LRBA: variants seen among roughly 807,000 people sequenced by gnomAD.
LRBA encodes the protein LPS responsive beige-like anchor protein, also known as lipopolysaccharide-responsive and beige-like anchor protein.
Under a neutral mutation model 330.0 loss-of-function variants are expected in LRBA, and 176 were observed. The observed-to-expected ratio is 0.53, with a 90% CI of 0.47 to 0.60. LRBA has a LOEUF of 0.60. Among genes scored for constraint, LRBA ranks in the 20% least tolerant of loss-of-function variants. The probability of loss-of-function intolerance (pLI) is 0.00; values close to 1 mark genes in which losing one functional copy is unlikely to be tolerated. For missense variants in LRBA, 3,259 were observed against 3,444.8 expected, an observed-to-expected ratio of 0.95 and a Z score of 1.35; for synonymous variants, 1,230 against 1,193.0, an observed-to-expected ratio of 1.03 and a Z score of -0.64.
At chr4:150,886,114 A>T (rs569847535) in intron 17 of LRBA, among the ~76,000 whole-genome samples, 7 of 152,324 alleles carry the variant, frequency 4.6e-5, no homozygotes, top group African/African-American at 1.7e-4. Flanking sequence ...AAAAAACACA[A>T]AAATCAACTT....
intron 40 of LRBA, among the ~76,000 whole-genome samples, chr4:150,540,339 T>C (rs1182600718): frequency 6.6e-6 from 1 of 152,148 alleles, no homozygotes; most frequent in Non-Finnish European, 1.5e-5. Context: ...TGGCTACAGA[T>C]GTGCGTCACC....
chr4:150,504,229 G>A (rs1000202608), intron 40 of LRBA, among the ~76,000 whole-genome samples: 2 of 152,060 alleles, frequency 1.3e-5, no homozygotes, highest in Non-Finnish European at 2.9e-5. Context: ...TCAAATTCAG[G>A]AAATACAGAG....
chr4:150,624,127 T>G (rs1447538638), intron 37 of LRBA, among the ~76,000 whole-genome samples: 1 of 152,198 alleles, frequency 6.6e-6, no homozygotes, highest in Admixed American at 6.5e-5. Context: ...ATGTCATTCA[T>G]GCAAATACTT....
chr4:151,008,792 G>A (rs1390294858), intron 2 of LRBA, among the ~76,000 whole-genome samples: 3 of 150,524 alleles, frequency 2.0e-5, no homozygotes, highest in African/African-American at 7.4e-5. Context: ...AGCCAACGTG[G>A]TGAAACGCCA....
intron 37 of LRBA, among the ~76,000 whole-genome samples, chr4:150,665,915 C>A (rs956253353): frequency 2.6e-5 from 4 of 152,116 alleles, no homozygotes; most frequent in Admixed American, 1.3e-4. Context: ...CATCAAAACA[C>A]GCAGTAGAAT....
intron 36 of LRBA, among the ~76,000 whole-genome samples, chr4:150,722,087 A>G (rs1027607635): frequency 9.9e-5 from 15 of 152,094 alleles, no homozygotes; most frequent in African/African-American, 3.6e-4. Context: ...ATGCCCTTCC[A>G]TTGCAATGCA....
At chr4:150,758,917 T>C (rs751842708) in intron 35 of LRBA, among the ~76,000 whole-genome samples, 8 of 151,846 alleles carry the variant, frequency 5.3e-5, no homozygotes, top group Non-Finnish European at 1.2e-4. Context: ...GCATCAGCCA[T>C]AGTCATTTTT....
At chr4:150,371,637 C>A (rs1740344968) in intron 47 of LRBA, among the ~76,000 whole-genome samples, 1 of 151,826 alleles carries the variant, frequency 6.6e-6, no homozygotes, top group Non-Finnish European at 1.5e-5. Context: ...CAAGTATGTC[C>A]AAAGGTACAT....
At chr4:150,684,840 C>G (rs1156319462) in intron 36 of LRBA, among the ~76,000 whole-genome samples, 1 of 152,050 alleles carries the variant, frequency 6.6e-6, no homozygotes, top group African/African-American at 2.4e-5. Flanking sequence ...ATTGTGGATG[C>G]TTGCCTCTCC....
intron 47 of LRBA, among the ~76,000 whole-genome samples, chr4:150,395,253 T>G (rs1208660689): frequency 2.0e-5 from 3 of 152,164 alleles, no homozygotes; most frequent in Non-Finnish European, 4.4e-5. Context: ...TGTCTAAAAC[T>G]GAATTTATCT....
In LRBA at chr4:150,496,700, A is replaced by G. The variant is rs1323095626; in HGVS notation, c.6331-5665T>C. On this transcript the variant is annotated intron_variant, in intron 40 of 56. Transcript: ENST00000651943. ...TATCCCTATGCCAAATATTTCCCAA[A>G]TTCTATAGTAATTTTATTTTTTCAG... 1.7e-4 allele frequency among the ~76,000 whole-genome samples: 26 copies of G among 152,128 alleles called. 1 individual carries two copies. Among genetic ancestry groups the G allele is most frequent in the Admixed American group, 1.7e-3 (26 of 15,278 alleles).
At chr4:150,883,124 T>C (rs1395796678) in intron 17 of LRBA, among the ~76,000 whole-genome samples, 2 of 152,170 alleles carry the variant, frequency 1.3e-5, no homozygotes, top group Non-Finnish European at 2.9e-5. Context: ...ATATGAAACC[T>C]TTTCTTAATT....
intron 40 of LRBA, among the ~76,000 whole-genome samples, chr4:150,552,404 C>T (rs1423442045): frequency 1.3e-5 from 2 of 152,020 alleles, no homozygotes; most frequent in Non-Finnish European, 2.9e-5. Flanking sequence ...AAATGCTCAC[C>T]ATCACTGGCC....
chr4:150,512,717 GAAAAAAAAAAAA>G (rs370203536), intron 40 of LRBA, among the ~76,000 whole-genome samples: 1 of 100,702 alleles, frequency 9.9e-6, no homozygotes, highest in African/African-American at 4.3e-5. Flanking sequence ...TGCTTTTTGA[GAAAAAAAAAAAA>G]AAAAAAAAAA....
At chr4:150,763,273 C>A (rs1392762114) in intron 34 of LRBA, among the ~76,000 whole-genome samples, 1 of 151,888 alleles carries the variant, frequency 6.6e-6, no homozygotes, top group African/African-American at 2.4e-5. Context: ...CAGAATATAT[C>A]CTTAGGCATA....
At position 150,697,325 on chromosome 4, in the gene LRBA, GAAAAA is replaced by G. The variant is rs60145657; in HGVS notation, c.5755-13613_5755-13609del. Among the ~76,000 whole-genome samples the G allele has an allele frequency of 7.9e-3, 221 of 28,048 alleles. 5 individuals are homozygous for G. Among genetic ancestry groups the G allele is most frequent in the Middle Eastern group, 0.091 (2 of 22 alleles). The allele number at this position is 28,048 out of a possible 152,430, so 18.4% of individuals were successfully genotyped here. Reference sequence around the variant, plus strand: ...GGTGACAGAGTGAGACTTTGTCTCAGAAAAAAAAAAAAAAAAAAAAAAAAAACAGG... The same window carrying G: ...GGTGACAGAGTGAGACTTTGTCTCAGAAAAAAAAAAAAAAAAAAAAACAGG... On this transcript the variant is annotated intron_variant, in intron 36 of 56. Coordinates refer to ENST00000651943, the MANE Select transcript of LRBA (RefSeq NM_001364905.1).
At chr4:150,304,134 A>C (rs1287016874) in intron 52 of LRBA, among the ~76,000 whole-genome samples, 3 of 152,172 alleles carry the variant, frequency 2.0e-5, no homozygotes, top group Non-Finnish European at 4.4e-5. Context: ...TCAAGAAAAA[A>C]AGGCTACTAA....
intron 17 of LRBA, among the ~76,000 whole-genome samples, chr4:150,878,347 G>C (rs562890244): frequency 6.6e-6 from 1 of 151,878 alleles, no homozygotes; most frequent in African/African-American, 2.4e-5. Flanking sequence ...AAAAAAAAAG[G>C]AAATTTTATA....
At chr4:150,942,781 C>A (rs1007931625) in intron 2 of LRBA, among the ~76,000 whole-genome samples, 2 of 152,196 alleles carry the variant, frequency 1.3e-5, no homozygotes, top group East Asian at 3.9e-4. Flanking sequence ...AAAAATGTGT[C>A]CATTCATAGC....
Sources: allele counts gnomAD v4.1 joint callset (sites outside exome capture counted in the v4.1 genomes callset), GRCh38; gene constraint gnomAD v4.1.1; transcripts MANE v1.5; gene names NCBI Gene and HGNC (gene_info 2026-07-23, HGNC 2026-07-21).